AUTS2: variants seen among roughly 807,000 people sequenced by gnomAD.
The protein encoded by AUTS2 is activator of transcription and developmental regulator AUTS2, also known as autism susceptibility gene 2 protein.
A neutral mutation model predicts 112.4 loss-of-function variants in AUTS2; 17 were observed. The ratio of observed to expected loss-of-function variants is 0.15; its 90% CI spans 0.10 to 0.23. The LOEUF is 0.23. Ranked by LOEUF, AUTS2 falls within the 10% of genes least tolerant of loss-of-function variation. AUTS2 has a pLI of 1.00. For missense variants in AUTS2, 1,510 were observed against 1,701.6 expected, an observed-to-expected ratio of 0.89 and a Z score of 1.98; for synonymous variants, 751 against 702.7, an observed-to-expected ratio of 1.07 and a Z score of -1.09.
intron 2 of AUTS2, among the ~76,000 whole-genome samples, chr7:70,061,064 G>T (rs1340054292): frequency 6.6e-6 from 1 of 152,154 alleles, no homozygotes; most frequent in Non-Finnish European, 1.5e-5. Flanking sequence ...TAAATCTGTA[G>T]GTTCTTTCTG....
chr7:70,092,788 T>A (rs1341162917), intron 2 of AUTS2, among the ~76,000 whole-genome samples: 1 of 152,186 alleles, frequency 6.6e-6, no homozygotes, highest in African/African-American at 2.4e-5. Flanking sequence ...CTTCCCACTT[T>A]ATTTCTGCCT....
In AUTS2 at chr7:70,108,783, C is replaced by CAAAAA. The variant is rs528009205; in HGVS notation, c.523-9322_523-9318dup. Among the ~76,000 whole-genome samples, 45 of 69,170 alleles carry CAAAAA rather than the reference C, an allele frequency of 6.5e-4. 4 individuals are homozygous for CAAAAA. Among genetic ancestry groups the CAAAAA allele is most frequent in the African/African-American group, 1.8e-3 (33 of 18,526 alleles). 45.4% of individuals were successfully genotyped at this position (69,170 alleles called of 152,430 possible). A position where few individuals can be genotyped will look rare whatever the true frequency, so the allele number is the denominator to read the frequency against. ...TTCCAGACCAGCCTGGCCAACATGG[C>CAAAAA]AAAAAAAAAAAAAAAAAAAAAAAAA... On this transcript the variant is annotated intron_variant, in intron 2 of 18. Coordinates refer to ENST00000342771, the MANE Select transcript of AUTS2 (RefSeq NM_015570.4).
At chr7:70,275,708 G>T (rs1787897073) in intron 4 of AUTS2, among the ~76,000 whole-genome samples, 1 of 152,114 alleles carries the variant, frequency 6.6e-6, no homozygotes, top group South Asian at 2.1e-4. Context: ...CCCCCATTCT[G>T]TTCTTGTGAT....
chr7:70,045,856 G>A (rs577397254), intron 2 of AUTS2, among the ~76,000 whole-genome samples: 74 of 142,502 alleles, frequency 5.2e-4, no homozygotes, highest in African/African-American at 1.8e-3. Flanking sequence ...TCAAACTCCT[G>A]ACCTCATGAT....
chr7:69,600,363 G>A (rs1187373218), intron 1 of AUTS2, among the ~76,000 whole-genome samples: 1 of 151,684 alleles, frequency 6.6e-6, no homozygotes, highest in Non-Finnish European at 1.5e-5. Flanking sequence ...CTGGGTTTGG[G>A]GCGCCTGTGG....
chr7:70,786,451 A>AGACACCACCAGGCTGC (rs61109507), intron 17 of AUTS2, among the ~76,000 whole-genome samples: 3 of 152,132 alleles, frequency 2.0e-5, no homozygotes, highest in Non-Finnish European at 4.4e-5. Flanking sequence ...AATAGCAGGA[A>AGACACCACCAGGCTGC]GACACCACCA....
intron 4 of AUTS2, among the ~76,000 whole-genome samples, chr7:70,351,757 A>G (rs1280182537): frequency 6.9e-6 from 1 of 145,436 alleles, no homozygotes; most frequent in African/African-American, 2.6e-5. Context: ...GCTGGCGTGC[A>G]GTGGTGTGAT....
chr7:70,208,911 G>T (rs183443740), intron 4 of AUTS2, among the ~76,000 whole-genome samples: 1 of 152,182 alleles, frequency 6.6e-6, no homozygotes, highest in East Asian at 1.9e-4. Context: ...AAAGGAAGAT[G>T]AGTCATGCAG....
chr7:70,061,122 G>T (rs1253600125), intron 2 of AUTS2, among the ~76,000 whole-genome samples: 1 of 152,180 alleles, frequency 6.6e-6, no homozygotes, highest in Non-Finnish European at 1.5e-5. Context: ...GGTCAAACTA[G>T]GTGACCTCTC....
At chr7:70,080,208 G>C (rs192787477) in intron 2 of AUTS2, among the ~76,000 whole-genome samples, 6 of 152,292 alleles carry the variant, frequency 3.9e-5, no homozygotes, top group South Asian at 2.1e-4. Flanking sequence ...AAATTTAAAA[G>C]TATGTTGTAT....
intron 2 of AUTS2, among the ~76,000 whole-genome samples, chr7:70,094,158 C>A (rs1804067074): frequency 6.6e-6 from 1 of 152,060 alleles, no homozygotes; most frequent in Non-Finnish European, 1.5e-5. Flanking sequence ...TTGCAGGAAG[C>A]AAAAAGGAAA....
chr7:70,367,193 G>T (rs536463375), intron 4 of AUTS2, among the ~76,000 whole-genome samples: 1 of 152,268 alleles, frequency 6.6e-6, no homozygotes, highest in South Asian at 2.1e-4. Flanking sequence ...GCACCAGGTG[G>T]CGCAGGTTGC....
At chr7:69,928,306 T>C (rs759608668) in intron 2 of AUTS2, among the ~76,000 whole-genome samples, 5 of 152,196 alleles carry the variant, frequency 3.3e-5, no homozygotes, top group African/African-American at 9.6e-5. Context: ...CTCGGGGTTA[T>C]GGACTCCACT....
intron 4 of AUTS2, among the ~76,000 whole-genome samples, chr7:70,323,341 T>C (rs1185766906): frequency 1.3e-5 from 2 of 152,160 alleles, no homozygotes; most frequent in African/African-American, 2.4e-5. Context: ...CTATTGGGTG[T>C]CTGTTCTGTG....
chr7:70,615,052 C>T (rs1355681719), intron 5 of AUTS2, among the ~76,000 whole-genome samples: 3 of 152,182 alleles, frequency 2.0e-5, no homozygotes, highest in South Asian at 2.1e-4. Context: ...AAATTACGAA[C>T]GCTGGATGAA....
chr7:69,644,514 AC>A (rs1794937240), intron 1 of AUTS2, among the ~76,000 whole-genome samples: 1 of 151,780 alleles, frequency 6.6e-6, no homozygotes, highest in Admixed American at 6.6e-5. Flanking sequence ...AAAAAAAAAA[AC>A]TTTTAAAGTT....
Position 69,768,882 on chromosome 7 carries a change from C to G in AUTS2, c.310-130404C>G, listed in dbSNP as rs145566612. Among the ~76,000 whole-genome samples, 1,050 of 152,262 alleles carry G rather than the reference C, an allele frequency of 6.9e-3. 3 individuals are homozygous for G. The highest frequency in any genetic ancestry group is 0.012 in the Non-Finnish European group (827 of 68,012). On this transcript the variant is annotated intron_variant, in intron 1 of 18. Coordinates refer to ENST00000342771, the MANE Select transcript of AUTS2 (RefSeq NM_015570.4). ...AGGAAGTGTGGCCTGATGGGATTAG[C>G]TAGTCTCAAGACACCAGGTAGAATG...
chr7:70,656,470 T>A (rs2129542284), intron 5 of AUTS2, among the ~76,000 whole-genome samples: 1 of 152,308 alleles, frequency 6.6e-6, no homozygotes, highest in South Asian at 2.1e-4. Flanking sequence ...AAGAATTGAT[T>A]TAATCTGTGA....
intron 2 of AUTS2, among the ~76,000 whole-genome samples, chr7:70,092,448 A>C (rs1390256746): frequency 6.6e-6 from 1 of 152,166 alleles, no homozygotes; most frequent in Non-Finnish European, 1.5e-5. Flanking sequence ...CATATACTGG[A>C]AGTCCTGCCA....
Sources: allele counts gnomAD v4.1 joint callset (sites outside exome capture counted in the v4.1 genomes callset), GRCh38; gene constraint gnomAD v4.1.1; transcripts MANE v1.5; gene names NCBI Gene and HGNC (gene_info 2026-07-23, HGNC 2026-07-21).